DAAM2: variants seen among roughly 807,000 people sequenced by gnomAD.
The protein encoded by DAAM2 is disheveled-associated activator of morphogenesis 2.
In DAAM2, 39 loss-of-function variants were observed where a neutral mutation model predicts 120.7. The ratio of observed to expected loss-of-function variants is 0.32; its 90% confidence interval spans 0.25 to 0.42. The LOEUF is 0.42. Ranked by LOEUF, DAAM2 falls within the 10% of genes least tolerant of loss-of-function variation. DAAM2 has a pLI of 1.00. For synonymous variants in DAAM2, 488 were observed against 524.9 expected, an observed-to-expected ratio of 0.93 and a Z score of 0.96; for missense variants, 1,283 against 1,401.7, an observed-to-expected ratio of 0.92 and a Z score of 1.35.
intron 1 of DAAM2, among the ~76,000 whole-genome samples, chr6:39,844,850 T>C (rs78556099): frequency 0.034 from 5,030 of 148,166 alleles, 271 homozygotes; most frequent in African/African-American, 0.11. Flanking sequence ...GTGTGTTTGC[T>C]TTTTGGAGAT....
At chr6:39,899,894 C>T in intron 22 of DAAM2, 183 bp from the exon 23 acceptor site, 1 of 590,758 alleles carries the variant, frequency 1.7e-6, no homozygotes, top group Non-Finnish European at 2.8e-6. Context: ...AGAAAGATGG[C>T]AGGGTGGGCT....
intron 1 of DAAM2, among the ~76,000 whole-genome samples, chr6:39,829,939 A>G (rs1055871184): frequency 6.6e-6 from 1 of 151,964 alleles, no homozygotes; most frequent in African/African-American, 2.4e-5. Flanking sequence ...CCACCCTTCT[A>G]GATTTCTCAT....
chr6:39,833,270 C>G (rs77379956), intron 1 of DAAM2, among the ~76,000 whole-genome samples: 3,103 of 152,000 alleles, frequency 0.02, 65 homozygotes, highest in African/African-American at 0.05. Context: ...CCTTTCTTTT[C>G]TTTTCCTTTT....
rs772790954 is a variant in DAAM2, at chr6:39,878,634, G to A, written c.1545+46G>A. The A allele has an allele frequency of 3.9e-6, 6 of 1,547,212 alleles. No individual in the cohort carries two copies. In the Admixed American group the frequency reaches 9.4e-5, roughly 24 times the overall value. On this transcript the variant is annotated intron_variant, in intron 13 of 24. Coordinates refer to ENST00000274867, the MANE Select transcript of DAAM2 (RefSeq NM_001201427.2). The surrounding 1 kb of genome is among the most constrained non-coding windows in gnomAD (Gnocchi z 5.0). ...TTACATAGTTGAGCCAAGACCCTGG[G>A]CTTCAGGACTGGGTGGGCAGAGCAG...
intron 1 of DAAM2, among the ~76,000 whole-genome samples, chr6:39,837,663 C>CAAAAAAAAAAAAAAAAAAAAAAAAA (rs758751293): frequency 1.7e-4 from 7 of 41,192 alleles, no homozygotes; most frequent in African/African-American, 5.6e-4. Flanking sequence ...AACTCCATCT[C>CAAAAAAAAAAAAAAAAAAAAAAAAA]AAAAAAAAAA....
chr6:39,855,791 C>T (rs1763975323), intron 1 of DAAM2, among the ~76,000 whole-genome samples: 2 of 152,200 alleles, frequency 1.3e-5, no homozygotes, highest in Admixed American at 1.3e-4. Flanking sequence ...CTCTTTCCTC[C>T]CCATTGGTCC....
intron 1 of DAAM2, among the ~76,000 whole-genome samples, chr6:39,846,563 A>G (rs1382836991): frequency 6.6e-6 from 1 of 151,838 alleles, no homozygotes; most frequent in Non-Finnish European, 1.5e-5. Context: ...CTCTCATTCT[A>G]CTCTACGACG....
chr6:39,898,769 C>T (rs189750612), intron 21 of DAAM2, 108 bp from the exon 22 acceptor site: 23 of 932,024 alleles, frequency 2.5e-5, no homozygotes, highest in Admixed American at 2.0e-4. Context: ...CCAGGCTCAC[C>T]GACTCCCAGG....
At chr6:39,837,631 C>G (rs1415979999) in intron 1 of DAAM2, among the ~76,000 whole-genome samples, 2 of 136,934 alleles carry the variant, frequency 1.5e-5, no homozygotes, top group Non-Finnish European at 3.0e-5. Flanking sequence ...CCATTGCACT[C>G]CAGCCTGGGC....
intron 1 of DAAM2, among the ~76,000 whole-genome samples, chr6:39,836,298 C>T (rs983941929): frequency 6.6e-6 from 1 of 152,120 alleles, no homozygotes; most frequent in African/African-American, 2.4e-5. Flanking sequence ...CATCTAAAAC[C>T]TCCCCCCAGC....
intron 1 of DAAM2, among the ~76,000 whole-genome samples, chr6:39,853,087 C>T (rs181128646): frequency 4.1e-4 from 62 of 152,254 alleles, no homozygotes; most frequent in Non-Finnish European, 5.7e-4. Context: ...GGGCAGTGAC[C>T]GGACCACAGC....
intron 1 of DAAM2, among the ~76,000 whole-genome samples, chr6:39,798,693 A>C (rs757459021): frequency 3.3e-5 from 5 of 152,118 alleles, no homozygotes; most frequent in Non-Finnish European, 7.3e-5. Flanking sequence ...AGAACAGTGC[A>C]CCTGTATACA....
intron 23 of DAAM2, among the ~76,000 whole-genome samples, 162 bp downstream of exon 23, chr6:39,900,370 A>G (rs946092318): frequency 2.6e-5 from 4 of 152,240 alleles, no homozygotes; most frequent in African/African-American, 4.8e-5. Flanking sequence ...AATGATAACC[A>G]CATACCGCAA....
At chr6:39,819,297 T>TG (rs1762409730) in intron 1 of DAAM2, 1 of 152,128 alleles carries the variant, frequency 6.6e-6, no homozygotes, top group African/African-American at 2.4e-5. Flanking sequence ...AAAATGGGCT[T>TG]GGGGAGCCTG....
chr6:39,818,016 T>C (rs1472585340), intron 1 of DAAM2, among the ~76,000 whole-genome samples: 1 of 151,646 alleles, frequency 6.6e-6, no homozygotes, highest in African/African-American at 2.4e-5. Context: ...CCAGCTCTAC[T>C]AAAAATACAA....
chr6:39,866,136 G>C (rs748112314), intron 5 of DAAM2, among the ~76,000 whole-genome samples: 3 of 152,214 alleles, frequency 2.0e-5, no homozygotes, highest in Admixed American at 1.3e-4. Context: ...AAGAATGGGA[G>C]CATCCCAATT....
At chr6:39,816,106 G>T (rs770462904) in intron 1 of DAAM2, among the ~76,000 whole-genome samples, 12 of 152,142 alleles carry the variant, frequency 7.9e-5, no homozygotes, top group Non-Finnish European at 1.5e-4. Flanking sequence ...GATAGTTTTG[G>T]TTTTTCTCTA....
chr6:39,827,597 C>G (rs1031815131), intron 1 of DAAM2, among the ~76,000 whole-genome samples: 14 of 152,128 alleles, frequency 9.2e-5, no homozygotes, highest in African/African-American at 3.1e-4. Flanking sequence ...TGGTAGGATG[C>G]AGGGGCCTGG....
rs370005871 is a variant in DAAM2, at chr6:39,891,408, G to T, written c.2213G>T (p.Arg738Leu). ...LLEEHKHEIE[R>L]MARADRFLYE... The stretch of plus-strand genomic sequence containing the variant: ...GAGGAGCACAAGCATGAAATTGAGC[G>T]GATGGCCCGTGCTGACCGCTTCCTC... The change falls in exon 18 of 25, where the codon CGG (arginine) becomes CTG (leucine). Residue 738 changes from arginine to leucine, a missense_variant. Transcript: ENST00000274867. 4 of 1,610,932 alleles carry T rather than the reference G, an allele frequency of 2.5e-6. No individual in the cohort carries two copies. Among genetic ancestry groups the T allele is most frequent in the African/African-American group, 1.3e-5 (1 of 74,862 alleles).
Sources: gnomAD v4.1 joint callset for allele counts (sites outside exome capture counted in the v4.1 genomes callset) on GRCh38, gnomAD v4.1.1 for gene constraint, Gnocchi (gnomAD v3.1) non-coding constraint, MANE v1.5 for transcripts, NCBI Gene and HGNC (gene_info 2026-07-23, HGNC 2026-07-21) for gene names.